Variants in RGS6 observed in about 807,000 individuals in gnomAD.
RGS6 encodes the protein regulator of G protein signaling 6, also known as regulator of G-protein signaling 6.
A neutral mutation model predicts 78.5 loss-of-function variants in RGS6; 30 were observed. That is an observed-to-expected ratio of 0.38 (90% CI 0.29 to 0.52). The LOEUF (loss-of-function observed/expected upper bound fraction) is 0.52, where lower values mean the gene tolerates loss of function less well. Ranked by LOEUF, RGS6 falls within the 20% of genes least tolerant of loss-of-function variation. The pLI is 0.85. For synonymous variants in RGS6, 206 were observed against 206.0 expected (o/e 1.00, Z 0.00); for missense variants, 495 against 609.7 (o/e 0.81, Z 1.98).
At chr14:72,305,984 C>T (rs1319047764) in intron 2 of RGS6, among the ~76,000 whole-genome samples, 1 of 152,178 alleles carries the variant, frequency 6.6e-6, no homozygotes, top group Non-Finnish European at 1.5e-5. Flanking sequence ...GAAAGCAAAA[C>T]AGCCTTATCG....
chr14:71,920,431 C>A, the RGS6 span, among the ~76,000 whole-genome samples: 1 of 152,120 alleles, frequency 6.6e-6, no homozygotes, highest in African/African-American at 2.4e-5. Flanking sequence ...AACAAGTCAG[C>A]AAGGGAGCTG....
chr14:72,190,895 G>A (rs1297176408), intron 2 of RGS6, among the ~76,000 whole-genome samples: 2 of 152,182 alleles, frequency 1.3e-5, no homozygotes, highest in Admixed American at 1.3e-4. Context: ...GATTAGAGAT[G>A]TAGGCTGTCC....
chr14:72,625,160 G>A, the RGS6 span, among the ~76,000 whole-genome samples: 16 of 152,170 alleles, frequency 1.1e-4, no homozygotes, highest in African/African-American at 3.1e-4. Context: ...TTGACAGTTC[G>A]TCCTTATAAC....
At chr14:71,971,656 C>T (rs117823405) in intron 2 of RGS6, among the ~76,000 whole-genome samples, 1,818 of 152,286 alleles carry the variant, frequency 0.012, 17 homozygotes, top group Non-Finnish European at 0.017. Context: ...AGTGCAGATT[C>T]CGTGAGTTCT....
chr14:72,484,216 T>G (rs1036271615), intron 12 of RGS6, among the ~76,000 whole-genome samples: 1 of 152,254 alleles, frequency 6.6e-6, no homozygotes, highest in Non-Finnish European at 1.5e-5. Flanking sequence ...TCATAATGAA[T>G]GCTTTAGTGC....
At chr14:71,937,956 C>A (rs1352373367) in intron 1 of RGS6, among the ~76,000 whole-genome samples, 1 of 152,212 alleles carries the variant, frequency 6.6e-6, no homozygotes, top group Non-Finnish European at 1.5e-5. Context: ...GTGATCATAG[C>A]CAGGTCAGCC....
At chr14:71,934,961 T>C (rs1216745456) in intron 1 of RGS6, among the ~76,000 whole-genome samples, 3 of 152,202 alleles carry the variant, frequency 2.0e-5, no homozygotes, top group Non-Finnish European at 4.4e-5. Flanking sequence ...CTGTCAGAGA[T>C]CTCAATACCG....
At chr14:72,388,515 G>T (rs2088979505) in intron 3 of RGS6, among the ~76,000 whole-genome samples, 1 of 152,150 alleles carries the variant, frequency 6.6e-6, no homozygotes, top group Non-Finnish European at 1.5e-5. Context: ...CCTTTTCTCA[G>T]AGTTGCATCT....
chr14:72,618,471 T>C, the RGS6 span, among the ~76,000 whole-genome samples: 1 of 152,290 alleles, frequency 6.6e-6, no homozygotes, highest in South Asian at 2.1e-4. Context: ...ACCGTCTTCC[T>C]CTGTCCATAG....
the RGS6 span, among the ~76,000 whole-genome samples, chr14:72,622,388 T>C: frequency 6.6e-6 from 1 of 152,282 alleles, no homozygotes; most frequent in East Asian, 1.9e-4. Context: ...TACATCATTA[T>C]TGCAGAGCCA....
intron 2 of RGS6, among the ~76,000 whole-genome samples, chr14:72,209,547 ACAGTTGTCTACATG>A: frequency 6.6e-6 from 1 of 152,280 alleles, no homozygotes; most frequent in South Asian, 2.1e-4. Flanking sequence ...GGGATGTGAC[ACAGTTGTCTACATG>A]CAGGACAATT....
At chr14:72,554,906 C>T (rs1319879235) in intron 17 of RGS6, among the ~76,000 whole-genome samples, 1 of 152,204 alleles carries the variant, frequency 6.6e-6, no homozygotes, top group Non-Finnish European at 1.5e-5. Context: ...TTGTCTCTCC[C>T]ACCATCCCTA....
chr14:72,496,894 C>T (rs2096652254), intron 13 of RGS6, among the ~76,000 whole-genome samples: 3 of 152,076 alleles, frequency 2.0e-5, no homozygotes, highest in Admixed American at 1.3e-4. Flanking sequence ...AACAATAGGT[C>T]GTGGCAGTCT....
At chr14:72,103,008 T>A (rs1285992741) in intron 2 of RGS6, among the ~76,000 whole-genome samples, 1 of 152,226 alleles carries the variant, frequency 6.6e-6, no homozygotes, top group Non-Finnish European at 1.5e-5. Context: ...AAGATTTGGC[T>A]TGCTGATCAG....
intron 7 of RGS6, 138 bp downstream of exon 7, chr14:72,465,960 T>C (rs2095899769): frequency 3.2e-6 from 2 of 616,160 alleles, no homozygotes; most frequent in Non-Finnish European, 5.6e-6. Context: ...CTTCTATTTC[T>C]CCTCCCTTGT....
chr14:72,483,450 A>G (rs925435432), intron 12 of RGS6, among the ~76,000 whole-genome samples: 1 of 152,148 alleles, frequency 6.6e-6, no homozygotes, highest in Non-Finnish European at 1.5e-5. Flanking sequence ...CTGAAATTGG[A>G]TGCTGGTTCT....
intron 2 of RGS6, among the ~76,000 whole-genome samples, chr14:72,009,836 G>A (rs1379615742): frequency 6.6e-6 from 1 of 152,214 alleles, no homozygotes; most frequent in Non-Finnish European, 1.5e-5. Context: ...TGGAACATAG[G>A]TGTTAAAGAA....
Position 72,486,825 on chromosome 14 carries a change from G to A in RGS6, c.855-8327G>A, listed in dbSNP as rs114211066. On this transcript the variant is annotated intron_variant, in intron 12 of 17. Transcript: ENST00000553525. ...CAGACTAAAGAGACAGGAGAGCAAGGAAAGGGTAAGGAGTCCTTGCTTTCA... is the reference window on the plus strand; with the variant it reads ...CAGACTAAAGAGACAGGAGAGCAAGAAAAGGGTAAGGAGTCCTTGCTTTCA... Among the ~76,000 whole-genome samples, 471 of 152,298 alleles carry A rather than the reference G, an allele frequency of 3.1e-3. 2 individuals are homozygous for A. Among genetic ancestry groups the A allele is most frequent in the African/African-American group, 0.011 (456 of 41,550 alleles).
intron 3 of RGS6, among the ~76,000 whole-genome samples, chr14:72,396,712 A>G (rs2091368949): frequency 1.3e-5 from 2 of 152,196 alleles, no homozygotes; most frequent in South Asian, 2.1e-4. Flanking sequence ...ATCTTGAATT[A>G]ATTTTTGTAT....
Sources: gnomAD v4.1 joint callset for allele counts (sites outside exome capture counted in the v4.1 genomes callset) on GRCh38, gnomAD v4.1.1 for gene constraint, MANE v1.5 for transcripts, NCBI Gene and HGNC (gene_info 2026-07-23, HGNC 2026-07-21) for gene names.